The following EFHC1 variants were observed in gnomAD, a reference collection of about 807,000 sequenced individuals.
EFHC1 encodes the protein EF-hand domain containing 1, also known as EF-hand domain-containing protein 1.
Under a neutral mutation model 69.9 loss-of-function variants are expected in EFHC1, and 53 were observed. That is an observed-to-expected ratio of 0.76 (90% CI 0.61 to 0.95). The LOEUF (loss-of-function observed/expected upper bound fraction) is 0.95. Among genes scored for constraint, EFHC1 ranks in the 40% least tolerant of loss-of-function variants. EFHC1 has a pLI of 0.00. For missense variants in EFHC1, 739 were observed against 798.7 expected, an observed-to-expected ratio of 0.93 and a Z score of 0.90; for synonymous variants, 256 against 278.4, an observed-to-expected ratio of 0.92 and a Z score of 0.80.
intron 5 of EFHC1, among the ~76,000 whole-genome samples, chr6:52,462,885 C>CAAAAA (rs777016070): frequency 1.2e-5 from 1 of 85,434 alleles, no homozygotes; most frequent in Non-Finnish European, 2.5e-5. Flanking sequence ...AAGACTGTCT[C>CAAAAA]AAAAAAAAAA....
chr6:52,437,098 C>T (rs570023508), intron 2 of EFHC1, among the ~76,000 whole-genome samples: 10 of 151,974 alleles, frequency 6.6e-5, no homozygotes, highest in South Asian at 2.1e-4. Context: ...GATTGTATAG[C>T]GGATTGATGA....
At chr6:52,435,698 A>G (rs1478748508) in intron 2 of EFHC1, among the ~76,000 whole-genome samples, 1 of 152,116 alleles carries the variant, frequency 6.6e-6, no homozygotes, top group Non-Finnish European at 1.5e-5. Flanking sequence ...CTCCTCCATC[A>G]TAGCCTGCAT....
At position 52,493,917 on chromosome 6, in the gene EFHC1, C is replaced by A. The variant is rs547537212; in HGVS notation, c.*1576C>A. 4.3e-4 allele frequency: 195 copies of A among 454,088 alleles called. No homozygotes were observed. The highest frequency in any genetic ancestry group is 6.4e-4 in the Non-Finnish European group (146 of 226,796). 28.1% of individuals were successfully genotyped at this position (454,088 alleles called of 1,614,324 possible). A position where few individuals can be genotyped will look rare whatever the true frequency, so the allele number is the denominator to read the frequency against. ...TTGCCCTCTCAGAACTTCTAGGGAA[C>A]TTCCCTTGGTGTTTCCTTCCCTAAC... On this transcript the variant is annotated 3_prime_UTR_variant, in exon 11 of 11. Coordinates refer to ENST00000371068, the MANE Select transcript of EFHC1 (RefSeq NM_018100.4).
intron 2 of EFHC1, among the ~76,000 whole-genome samples, chr6:52,428,736 C>T (rs1412700386): frequency 1.3e-5 from 2 of 152,206 alleles, no homozygotes; most frequent in South Asian, 2.1e-4. Flanking sequence ...GGTGGTTCTA[C>T]TTTTAGTTCT....
chr6:52,424,162 A>C lies in EFHC1; in HGVS notation c.280A>C (p.Lys94Gln), dbSNP rs1432022495. 1.9e-6 allele frequency: 3 copies of C among 1,613,828 alleles called. No homozygotes were observed. Among genetic ancestry groups the C allele is most frequent in the South Asian group, 2.2e-5 (2 of 91,060 alleles). ...DFIPAHVAFD[K>Q]KVLKFDAYFQ... Reference sequence around the variant, plus strand: ...TATTCCTGCGCATGTGGCCTTTGACAAAAAGGTATCATCTGGAATTTTAGG... The same window carrying C: ...TATTCCTGCGCATGTGGCCTTTGACCAAAAGGTATCATCTGGAATTTTAGG... The change falls in exon 2 of 11, where the codon AAA becomes CAA. Residue 94 changes from lysine (K) to glutamine (Q), a missense_variant. Physicochemically the swap from Lys to Gln is moderately conservative, Grantham distance 53. Transcript: ENST00000371068.
rs968975268 is a variant in EFHC1, at chr6:52,495,093, A to G, written c.*2752A>G. On this transcript the variant is annotated 3_prime_UTR_variant, in exon 11 of 11. Coordinates refer to ENST00000371068, the MANE Select transcript of EFHC1 (RefSeq NM_018100.4). ...ACCTGATCACCCCGGCTCTAATGGT[A>G]TGGTCTCCAAGGCTCCTTCTGATCT... 41 of 454,034 alleles carry G rather than the reference A, an allele frequency of 9.0e-5. No homozygotes were observed. The highest frequency in any genetic ancestry group is 7.8e-4 in the African/African-American group (39 of 50,092). 28.1% of individuals were successfully genotyped at this position (454,034 alleles called of 1,614,324 possible). A position where few individuals can be genotyped will look rare whatever the true frequency, so the allele number is the denominator to read the frequency against.
chr6:52,455,948 CAT>C (rs988582463), intron 5 of EFHC1, among the ~76,000 whole-genome samples: 5 of 152,200 alleles, frequency 3.3e-5, no homozygotes, highest in South Asian at 4.1e-4. Context: ...ATCTTAAAAA[CAT>C]AGTGCTGTGT....
chr6:52,481,977 C>T (rs1262819352), intron 9 of EFHC1: 1 of 152,174 alleles, frequency 6.6e-6, no homozygotes, highest in African/African-American at 2.4e-5. Context: ...TAGCATAGGA[C>T]TGTAAAAAAT....
intron 3 of EFHC1, 24 bp downstream of exon 3, chr6:52,438,615 T>G (rs960136052): frequency 6.2e-7 from 1 of 1,612,978 alleles, no homozygotes; most frequent in South Asian, 1.1e-5. Context: ...TTTTGAAAGT[T>G]GTGGGGTCTG....
intron 2 of EFHC1, among the ~76,000 whole-genome samples, chr6:52,426,261 T>A (rs1764298666): frequency 1.3e-5 from 2 of 152,208 alleles, no homozygotes; most frequent in Admixed American, 6.5e-5. Flanking sequence ...GCTGTCCTTT[T>A]ACCAGATCTA....
intron 1 of EFHC1, 72 bp downstream of exon 1, chr6:52,420,545 C>G: frequency 6.5e-7 from 1 of 1,538,880 alleles, no homozygotes; most frequent in Non-Finnish European, 9.0e-7. Flanking sequence ...CCGCTCAGTG[C>G]ACCTCCATTC....
chr6:52,449,330 G>A lies in EFHC1; in HGVS notation c.574-3358G>A, dbSNP rs142691372. ...CAGGAGACAGAGCTTGCAATGAGCC[G>A]AGATTGTGCCACTGCACTCCAGTCT... On this transcript the variant is annotated intron_variant, in intron 3 of 10. Transcript: ENST00000371068. 5.6e-3 allele frequency among the ~76,000 whole-genome samples: 836 copies of A among 150,430 alleles called. 6 individuals are homozygous for A. Among genetic ancestry groups the A allele is most frequent in the African/African-American group, 0.019 (786 of 40,606 alleles).
intron 7 of EFHC1, among the ~76,000 whole-genome samples, chr6:52,474,002 A>C (rs1187915560): frequency 1.3e-5 from 2 of 152,128 alleles, no homozygotes; most frequent in Non-Finnish European, 2.9e-5. Flanking sequence ...GGCATTTCAC[A>C]AAAGAGGATA....
At chr6:52,453,562 AT>A (rs1764966034) in intron 4 of EFHC1, 1 of 1,280,106 alleles carries the variant, frequency 7.8e-7, no homozygotes, top group Non-Finnish European at 1.0e-6. Context: ...TCAGTCATAT[AT>A]CTGTTATTAT....
At chr6:52,425,517 A>G (rs1764283443) in intron 2 of EFHC1, among the ~76,000 whole-genome samples, 1 of 152,062 alleles carries the variant, frequency 6.6e-6, no homozygotes, top group African/African-American at 2.4e-5. Context: ...TAGGCTTCCT[A>G]TTTTTTGTTT....
Position 52,433,704 on chromosome 6 carries a change from G to C in EFHC1, c.286-4600G>C, listed in dbSNP as rs1347753144. Among the ~76,000 whole-genome samples, 3 of 152,178 alleles carry C rather than the reference G, an allele frequency of 2.0e-5. No individual in the cohort carries two copies. In the East Asian group the frequency reaches 5.8e-4, roughly 29 times the overall value. On this transcript the variant is annotated intron_variant, in intron 2 of 10. Transcript: ENST00000371068. The stretch of plus-strand genomic sequence containing the variant: ...AGATAGCATTAGCTGTGGTAGTATG[G>C]GGGGAACAGGCAGTGGGTGGGCCCC...
intron 5 of EFHC1, among the ~76,000 whole-genome samples, chr6:52,459,537 A>T (rs891146810): frequency 1.3e-5 from 2 of 152,268 alleles, no homozygotes; most frequent in Non-Finnish European, 2.9e-5. Flanking sequence ...AGAATGTCCA[A>T]AATTAAAAAG....
chr6:52,473,550 G>A lies in EFHC1; in HGVS notation c.1278+4077G>A, dbSNP rs1367360039. ...AATCCCAGCACTTTGGGAGACCAAG[G>A]TGGGCAGACTGCCCCAGCTCAGGAG... On this transcript the variant is annotated intron_variant, in intron 7 of 10. Coordinates refer to ENST00000371068, the MANE Select transcript of EFHC1 (RefSeq NM_018100.4). 2.6e-5 allele frequency among the ~76,000 whole-genome samples: 4 copies of A among 152,134 alleles called. No individual in the cohort carries two copies. In the South Asian group the frequency reaches 8.3e-4, roughly 31 times the overall value.
At chr6:52,468,157 C>T (rs1487043155) in intron 6 of EFHC1, among the ~76,000 whole-genome samples, 1 of 152,192 alleles carries the variant, frequency 6.6e-6, no homozygotes, top group East Asian at 1.9e-4. Context: ...GAGAGCTAAT[C>T]TGCTATGGAG....
Sources: gnomAD v4.1 joint callset for allele counts (sites outside exome capture counted in the v4.1 genomes callset) on GRCh38, gnomAD v4.1.1 for gene constraint, MANE v1.5 for transcripts, NCBI Gene and HGNC (gene_info 2026-07-23, HGNC 2026-07-21) for gene names.